PGBD5: variants seen among roughly 807,000 people sequenced by gnomAD.
The protein encoded by PGBD5 is piggyBac transposable element derived 5.
In PGBD5, 14 loss-of-function variants were observed where a neutral mutation model predicts 47.9. That is an observed-to-expected ratio of 0.29 (90% CI 0.19 to 0.46). The LOEUF is 0.46. Among genes scored for constraint, PGBD5 ranks in the 20% least tolerant of loss-of-function variants. PGBD5 has a pLI of 1.00. For synonymous variants in PGBD5, 316 were observed against 306.3 expected (o/e 1.03, Z -0.33); for missense variants, 635 against 716.0 (o/e 0.89, Z 1.29).
chr1:230,388,082 G>C, intron 1 of PGBD5, among the ~76,000 whole-genome samples: 1 of 152,250 alleles, frequency 6.6e-6, no homozygotes, highest in African/African-American at 2.4e-5. Flanking sequence ...AATTCATGTT[G>C]GCCCCAAAGC....
At chr1:230,418,467 G>C (rs970737733) in intron 1 of PGBD5, among the ~76,000 whole-genome samples, 4 of 152,102 alleles carry the variant, frequency 2.6e-5, no homozygotes, top group African/African-American at 9.7e-5. Flanking sequence ...GATGGGAAAG[G>C]GGCAGGTAGG....
intron 1 of PGBD5, among the ~76,000 whole-genome samples, chr1:230,395,081 A>G (rs1355590408): frequency 2.1e-3 from 11 of 5,168 alleles, no homozygotes; most frequent in East Asian, 0.011. Context: ...CTCCCCTCAC[A>G]CTCCTCCCCA....
chr1:230,365,096 G>A (rs182957872), intron 1 of PGBD5, among the ~76,000 whole-genome samples: 5 of 150,872 alleles, frequency 3.3e-5, no homozygotes, highest in Non-Finnish European at 5.9e-5. Context: ...GGTGGACCAC[G>A]AGGTCAGGAT....
chr1:230,377,023 G>A (rs1164882577), intron 1 of PGBD5, among the ~76,000 whole-genome samples: 1 of 152,156 alleles, frequency 6.6e-6, no homozygotes, highest in Admixed American at 6.5e-5. Flanking sequence ...CCCACTCACA[G>A]AGAAAGGGCA....
rs1268004665 is a variant in PGBD5, at chr1:230,322,343, C to T, written c.*1082G>A. On this transcript the variant is annotated 3_prime_UTR_variant, in exon 7 of 7. Transcript: ENST00000391860. The surrounding 1 kb of genome is among the most constrained non-coding windows in gnomAD (Gnocchi z 5.9). ...TTTTGGGGTTTTTCCAAGGCCAGCCCTGTTGTTCTGAGGGGCCACTCTGAG... is the reference window on the plus strand; with the variant it reads ...TTTTGGGGTTTTTCCAAGGCCAGCCTTGTTGTTCTGAGGGGCCACTCTGAG... The T allele has an allele frequency of 1.3e-5, 2 of 152,298 alleles. No homozygotes were observed. The highest frequency in any genetic ancestry group is 2.9e-5 in the Non-Finnish European group (2 of 68,094). 9.4% of individuals were successfully genotyped at this position (152,298 alleles called of 1,614,324 possible).
rs1571865694 is a variant in PGBD5, at chr1:230,415,340, G to A, written c.331+10258C>T. On this transcript the variant is annotated intron_variant, in intron 1 of 6. Coordinates refer to ENST00000391860, the MANE Select transcript of PGBD5 (RefSeq NM_001258311.2). ...ACCACTCTGGGTGATTCCACTTGTT[G>A]ACAGTCTTTCCTCCCAGAAAAATCT... 2.6e-5 allele frequency among the ~76,000 whole-genome samples: 4 copies of A among 151,628 alleles called. No homozygotes were observed. In the South Asian group the frequency reaches 8.4e-4, roughly 32 times the overall value.
At chr1:230,373,309 AT>A (rs1191520453) in intron 1 of PGBD5, among the ~76,000 whole-genome samples, 1 of 152,216 alleles carries the variant, frequency 6.6e-6, no homozygotes, top group African/African-American at 2.4e-5. Flanking sequence ...TCAATCCCTG[AT>A]CCAGAGATGG....
At chr1:230,407,144 T>A (rs1432458171) in intron 1 of PGBD5, among the ~76,000 whole-genome samples, 1 of 152,178 alleles carries the variant, frequency 6.6e-6, no homozygotes, top group Non-Finnish European at 1.5e-5. Flanking sequence ...CCAGAATACG[T>A]CACTTTCAAT....
chr1:230,325,899 C>T (rs1667108723), intron 5 of PGBD5, among the ~76,000 whole-genome samples: 1 of 152,062 alleles, frequency 6.6e-6, no homozygotes, highest in African/African-American at 2.4e-5. Context: ...GGGGTGTCGG[C>T]AACTCGTCAC....
At chr1:230,408,291 G>A (rs377432557) in intron 1 of PGBD5, among the ~76,000 whole-genome samples, 9 of 151,888 alleles carry the variant, frequency 5.9e-5, no homozygotes, top group Admixed American at 2.0e-4. Flanking sequence ...AATTGGCTTC[G>A]TCTTGACTTA....
intron 5 of PGBD5, among the ~76,000 whole-genome samples, chr1:230,331,785 G>A (rs1667220797): frequency 6.6e-6 from 1 of 151,554 alleles, no homozygotes; most frequent in South Asian, 2.1e-4. Flanking sequence ...GGTGCCACCA[G>A]GCCTGGCTCA....
At chr1:230,368,367 A>C (rs1030179386) in intron 1 of PGBD5, among the ~76,000 whole-genome samples, 1 of 152,262 alleles carries the variant, frequency 6.6e-6, no homozygotes, top group Non-Finnish European at 1.5e-5. Context: ...GCTAAAGTGC[A>C]AACATGAAAT....
intron 1 of PGBD5, among the ~76,000 whole-genome samples, chr1:230,418,583 C>T (rs1657576837): frequency 6.6e-6 from 1 of 152,190 alleles, no homozygotes; most frequent in Non-Finnish European, 1.5e-5. Context: ...ACACAGCTCA[C>T]TGCAGCCTCA....
chr1:230,337,345 C>A, intron 3 of PGBD5, 57 bp from the exon 4 acceptor site: 1 of 1,478,710 alleles, frequency 6.8e-7, no homozygotes, highest in Non-Finnish European at 9.1e-7. Context: ...GCTGGGAGCC[C>A]GAGTATTCAG....
At chr1:230,416,933 A>G (rs187578208) in intron 1 of PGBD5, among the ~76,000 whole-genome samples, 12 of 152,278 alleles carry the variant, frequency 7.9e-5, no homozygotes, top group African/African-American at 2.9e-4. Context: ...TGAAAGCCCC[A>G]CCAGCCTGGC....
rs1185254972 is a variant in PGBD5 at position 230,417,872 on chromosome 1, A to G, written c.331+7726T>C. 3.9e-5 allele frequency among the ~76,000 whole-genome samples: 6 copies of G among 152,240 alleles called. No individual in the cohort carries two copies. In the East Asian group the frequency reaches 1.2e-3, roughly 29 times the overall value. On this transcript the variant is annotated intron_variant, in intron 1 of 6. Transcript: ENST00000391860. ...TGTGCTGGCTGAATTAATAGGAGGC[A>G]CATCTCATCCATTGCTGGTGGGAGT...
At chr1:230,339,106 C>G (rs897825633) in intron 3 of PGBD5, among the ~76,000 whole-genome samples, 2 of 152,226 alleles carry the variant, frequency 1.3e-5, no homozygotes, top group Non-Finnish European at 2.9e-5. Flanking sequence ...CATTGGGGCA[C>G]ACTGCTTCCA....
At position 230,318,071 on chromosome 1, in the gene PGBD5, G is replaced by C. The variant is rs1666977975; in HGVS notation, c.*5354C>G. 1 of 152,378 alleles carries C rather than the reference G, an allele frequency of 6.6e-6. No homozygotes were observed. Among genetic ancestry groups the C allele is most frequent in the Non-Finnish European group, 1.5e-5 (1 of 68,192 alleles). The allele number at this position is 152,378 out of a possible 1,614,324, so 9.4% of individuals were successfully genotyped here. The stretch of plus-strand genomic sequence containing the variant: ...CCCACCAGACAGGGGTCAGAGCTAG[G>C]AGAATGTGCCTGGGCTGCTGGAGAA... On this transcript the variant is annotated 3_prime_UTR_variant, in exon 7 of 7. Transcript: ENST00000391860.
Position 230,325,415 on chromosome 1 carries a change from C to G in PGBD5, c.1274G>C (p.Gly425Ala), listed in dbSNP as rs1301302467. ...CCCACTCTTCCTTTTGATGATGACT[C>G]CTGAAGGCGAGAGACAAGATAAGCC... ...LTNAYSPVQQ[G>A]VIIKRKSGEI... The change falls in exon 6 of 7, where the codon GGA becomes GCA. Residue 425 changes from glycine to alanine, a missense_variant and splice_region_variant. Transcript: ENST00000391860. The G allele has an allele frequency of 6.2e-7, 1 of 1,610,988 alleles. No homozygotes were observed. Among genetic ancestry groups the G allele is most frequent in the Non-Finnish European group, 8.5e-7 (1 of 1,178,134 alleles).
Sources: gnomAD v4.1 joint callset for allele counts (sites outside exome capture counted in the v4.1 genomes callset) on GRCh38, gnomAD v4.1.1 for gene constraint, Gnocchi (gnomAD v3.1) non-coding constraint, MANE v1.5 for transcripts, NCBI Gene and HGNC (gene_info 2026-07-23, HGNC 2026-07-21) for gene names.